The following MDGA2 variants were observed in gnomAD, a reference collection of about 807,000 sequenced individuals.
MDGA2 encodes the protein MAM domain-containing glycosylphosphatidylinositol anchor protein 2.
Under a neutral mutation model 117.8 loss-of-function variants are expected in MDGA2, and 40 were observed. The observed-to-expected ratio is 0.34, with a 90% CI of 0.26 to 0.44. MDGA2 has a LOEUF of 0.44. Ranked by LOEUF, MDGA2 falls within the 20% of genes least tolerant of loss-of-function variation. MDGA2 has a pLI of 1.00. For synonymous variants in MDGA2, 452 were observed against 439.0 expected (o/e 1.03, Z -0.37); for missense variants, 1,123 against 1,250.6 (o/e 0.90, Z 1.54).
downstream of MDGA2, among the ~76,000 whole-genome samples, chr14:46,839,681 A>G (rs1880531355): frequency 6.6e-6 from 1 of 151,914 alleles, no homozygotes; most frequent in Non-Finnish European, 1.5e-5. Context: ...CTTTGGTCTG[A>G]TAAAGTATAT....
chr14:47,220,929 T>C (rs1287253189), intron 2 of MDGA2, among the ~76,000 whole-genome samples: 1 of 152,206 alleles, frequency 6.6e-6, no homozygotes. Context: ...ACCTCAGGGT[T>C]CAAATAGCCC....
At chr14:47,530,658 A>AC (rs559693294) in intron 1 of MDGA2, among the ~76,000 whole-genome samples, 4 of 151,278 alleles carry the variant, frequency 2.6e-5, no homozygotes, top group Non-Finnish European at 2.9e-5. Flanking sequence ...GAAGGCAGTG[A>AC]CCCCCCTGGA....
intron 1 of MDGA2, among the ~76,000 whole-genome samples, chr14:47,532,377 C>T (rs1309496346): frequency 1.3e-5 from 2 of 152,170 alleles, no homozygotes; most frequent in East Asian, 1.9e-4. Flanking sequence ...TTCTCACCCA[C>T]CAATTTTGCC....
At chr14:47,545,463 C>T (rs935959626) in intron 1 of MDGA2, among the ~76,000 whole-genome samples, 2 of 152,044 alleles carry the variant, frequency 1.3e-5, no homozygotes, top group East Asian at 3.9e-4. Context: ...GTAGAATACA[C>T]TTTATTTCTC....
intron 3 of MDGA2, among the ~76,000 whole-genome samples, chr14:47,214,029 C>T (rs897521458): frequency 1.1e-4 from 17 of 151,990 alleles, no homozygotes; most frequent in Non-Finnish European, 2.5e-4. Flanking sequence ...GGTAAAGAGT[C>T]CCTCATAAAA....
chr14:47,265,307 A>C (rs1456361836), intron 2 of MDGA2, among the ~76,000 whole-genome samples: 1 of 152,140 alleles, frequency 6.6e-6, no homozygotes, highest in African/African-American at 2.4e-5. Context: ...TAATTGTAAC[A>C]CCGTGTCATT....
intron 6 of MDGA2, among the ~76,000 whole-genome samples, chr14:47,066,493 C>T (rs983642106): frequency 2.0e-5 from 3 of 152,098 alleles, no homozygotes; most frequent in Admixed American, 6.5e-5. Flanking sequence ...GATGAACAAA[C>T]AGCATCAACA....
intron 4 of MDGA2, among the ~76,000 whole-genome samples, chr14:47,138,548 G>C (rs770541814): frequency 6.6e-6 from 1 of 151,890 alleles, no homozygotes. Flanking sequence ...TTTAACTTTT[G>C]ACATTATTTT....
At chr14:47,200,700 TCTC>T (rs1351305543) in intron 3 of MDGA2, 13 of 937,974 alleles carry the variant, frequency 1.4e-5, no homozygotes, top group Non-Finnish European at 2.2e-5. Flanking sequence ...ATCTTGGCCT[TCTC>T]CTTCCTCTTC....
intron 3 of MDGA2, among the ~76,000 whole-genome samples, chr14:47,212,077 T>G (rs1885904853): frequency 6.6e-6 from 1 of 152,200 alleles, no homozygotes; most frequent in Non-Finnish European, 1.5e-5. Context: ...TTAAAATATT[T>G]TATTCTAAAC....
chr14:47,409,033 G>A (rs1892317481), intron 1 of MDGA2, among the ~76,000 whole-genome samples: 8 of 152,182 alleles, frequency 5.3e-5, no homozygotes, highest in Admixed American at 5.2e-4. Context: ...TGTCTGGAGT[G>A]GATTGGTGGA....
intron 9 of MDGA2, among the ~76,000 whole-genome samples, chr14:46,926,296 C>G (rs1403931898): frequency 6.6e-6 from 1 of 151,854 alleles, no homozygotes; most frequent in Non-Finnish European, 1.5e-5. Context: ...GGAAAGAATT[C>G]CACAAAAGAC....
chr14:46,921,816 C>G (rs1884143651), intron 9 of MDGA2, among the ~76,000 whole-genome samples: 1 of 152,000 alleles, frequency 6.6e-6, no homozygotes, highest in Non-Finnish European at 1.5e-5. Context: ...ACATCCAATA[C>G]CTACAAATTT....
At chr14:46,900,582 T>A (rs527538114) in intron 10 of MDGA2, among the ~76,000 whole-genome samples, 8 of 152,254 alleles carry the variant, frequency 5.3e-5, no homozygotes, top group Admixed American at 3.9e-4. Flanking sequence ...TCAAAGAAAT[T>A]ACACTAAATA....
chr14:47,225,860 C>T (rs918679968), intron 2 of MDGA2, among the ~76,000 whole-genome samples: 9 of 151,962 alleles, frequency 5.9e-5, no homozygotes, highest in African/African-American at 2.2e-4. Flanking sequence ...CATAAGAACC[C>T]ATTTTTCTAG....
intron 6 of MDGA2, among the ~76,000 whole-genome samples, chr14:47,094,657 C>G (rs1879858494): frequency 6.6e-6 from 1 of 152,030 alleles, no homozygotes; most frequent in East Asian, 1.9e-4. Flanking sequence ...ATAGATGTTG[C>G]AGTACTTTAA....
chr14:47,351,932 C>T (rs866342638), intron 1 of MDGA2, among the ~76,000 whole-genome samples: 1 of 140,608 alleles, frequency 7.1e-6, no homozygotes, highest in Non-Finnish European at 1.6e-5. Flanking sequence ...CACACACACA[C>T]ACACACAAAC....
At chr14:46,908,076 C>A (rs534117243) in intron 10 of MDGA2, among the ~76,000 whole-genome samples, 1 of 152,272 alleles carries the variant, frequency 6.6e-6, no homozygotes, top group East Asian at 1.9e-4. Flanking sequence ...ACACCACTAT[C>A]ATATCAGAAA....
In MDGA2 at chr14:46,934,309, TA is replaced by T. The variant is rs377413904; in HGVS notation, c.2090-14150del. 4.7e-4 allele frequency among the ~76,000 whole-genome samples: 72 copies of T among 152,164 alleles called. 2 individuals carry two copies. In the South Asian group the frequency reaches 8.7e-3, roughly 18 times the overall value. ...AAATTATTCTTTTATAATTTACAACTAAAAACATGGACTTATGGAGCAAGAA... is the reference window on the plus strand; with the variant it reads ...AAATTATTCTTTTATAATTTACAACTAAAACATGGACTTATGGAGCAAGAA... On this transcript the variant is annotated intron_variant, in intron 9 of 16. Coordinates refer to ENST00000399232, the MANE Select transcript of MDGA2 (RefSeq NM_001113498.3).
Sources: gnomAD v4.1 joint callset for allele counts (sites outside exome capture counted in the v4.1 genomes callset) on GRCh38, gnomAD v4.1.1 for gene constraint, MANE v1.5 for transcripts, NCBI Gene and HGNC (gene_info 2026-07-23, HGNC 2026-07-21) for gene names.